Variants in PALLD observed in about 807,000 individuals in gnomAD.
PALLD encodes palladin.
Under a neutral mutation model 123.5 loss-of-function variants are expected in PALLD, and 61 were observed. That is an observed-to-expected ratio of 0.49 (90% confidence interval 0.40 to 0.61). The LOEUF (loss-of-function observed/expected upper bound fraction) is 0.61, where lower values mean the gene tolerates loss of function less well. Ranked by LOEUF, PALLD falls within the 20% of genes least tolerant of loss-of-function variation. PALLD has a pLI of 0.00. For synonymous variants in PALLD, 465 were observed against 496.4 expected (o/e 0.94, Z 0.84); for missense variants, 1,273 against 1,377.0 (o/e 0.92, Z 1.20).
chr4:168,698,158 T>C (rs1226935480), intron 8 of PALLD, among the ~76,000 whole-genome samples: 4 of 152,120 alleles, frequency 2.6e-5, no homozygotes. Context: ...ATTTGTGTGA[T>C]CTAAAAATCG....
At chr4:168,599,146 G>T (rs1772291988) in intron 2 of PALLD, among the ~76,000 whole-genome samples, 1 of 152,168 alleles carries the variant, frequency 6.6e-6, no homozygotes, top group Non-Finnish European at 1.5e-5. Flanking sequence ...TAACAGTGAA[G>T]AATTCAGAGT....
chr4:168,801,250 A>G (rs762315505), intron 10 of PALLD, among the ~76,000 whole-genome samples: 3 of 152,168 alleles, frequency 2.0e-5, no homozygotes, highest in Non-Finnish European at 4.4e-5. Flanking sequence ...TGTTTGCTCT[A>G]TAACTCTTTG....
chr4:168,522,151 G>T (rs1398166897), intron 2 of PALLD, among the ~76,000 whole-genome samples: 1 of 152,152 alleles, frequency 6.6e-6, no homozygotes, highest in Admixed American at 6.5e-5. Context: ...TTTGCTTTGT[G>T]AGCATGTGTT....
intron 2 of PALLD, among the ~76,000 whole-genome samples, chr4:168,602,965 G>T (rs1431935831): frequency 6.6e-6 from 1 of 151,904 alleles, no homozygotes; most frequent in Non-Finnish European, 1.5e-5. Flanking sequence ...AAAAGGTCTT[G>T]CTTTGTTGCC....
At chr4:168,919,517 T>C (rs1480590825) in intron 17 of PALLD, among the ~76,000 whole-genome samples, 1 of 145,570 alleles carries the variant, frequency 6.9e-6, no homozygotes, top group Non-Finnish European at 1.5e-5. Context: ...GGAGCAAGAC[T>C]GTCTTAAAAA....
chr4:168,774,354 GA>G (rs1561508770), intron 10 of PALLD, among the ~76,000 whole-genome samples: 1 of 151,992 alleles, frequency 6.6e-6, no homozygotes. Context: ...CTATATATAA[GA>G]AAGAGCACAT....
At chr4:168,579,212 G>T (rs1489075935) in intron 2 of PALLD, among the ~76,000 whole-genome samples, 1 of 152,158 alleles carries the variant, frequency 6.6e-6, no homozygotes, top group Non-Finnish European at 1.5e-5. Context: ...GTAAAGTGCA[G>T]CTATTTGAAA....
At chr4:168,905,790 C>CTTTTTTTT (rs59427697) in intron 15 of PALLD, among the ~76,000 whole-genome samples, 4,167 of 112,650 alleles carry the variant, frequency 0.037, 9 homozygotes, top group East Asian at 0.072. Flanking sequence ...GCTTTTTTTT[C>CTTTTTTTT]TTTTTTTTTT....
rs1429082856 is a variant in PALLD, at chr4:168,898,481, T to A, written c.2251-12T>A. On this transcript the variant is annotated splice_polypyrimidine_tract_variant and intron_variant, in intron 13 of 21. Coordinates refer to ENST00000505667, the MANE Select transcript of PALLD (RefSeq NM_001166108.2). Reference sequence around the variant, plus strand: ...GGATTGAGTCTGCTAACTTAAACTTTCCTTGATTCAGGAATACAAAGTCTC... The same window carrying A: ...GGATTGAGTCTGCTAACTTAAACTTACCTTGATTCAGGAATACAAAGTCTC... 1 of 1,586,624 alleles carries A rather than the reference T, an allele frequency of 6.3e-7. No individual in the cohort carries two copies. Among genetic ancestry groups the A allele is most frequent in the Non-Finnish European group, 8.7e-7 (1 of 1,155,116 alleles).
chr4:168,541,940 A>G (rs1229457429), intron 2 of PALLD, among the ~76,000 whole-genome samples: 2 of 152,238 alleles, frequency 1.3e-5, no homozygotes, highest in Non-Finnish European at 2.9e-5. Context: ...CAAAAGAGAC[A>G]AAAATGCCTG....
intron 2 of PALLD, among the ~76,000 whole-genome samples, chr4:168,663,700 C>G (rs1779344820): frequency 6.6e-6 from 1 of 152,120 alleles, no homozygotes; most frequent in Admixed American, 6.5e-5. Flanking sequence ...GTATGTTTCT[C>G]TCTGTACTCA....
chr4:168,587,415 G>C (rs998636358), intron 2 of PALLD, among the ~76,000 whole-genome samples: 7 of 152,190 alleles, frequency 4.6e-5, no homozygotes, highest in African/African-American at 1.7e-4. Context: ...AACTGTTTAT[G>C]TCATTCAGTA....
intron 10 of PALLD, among the ~76,000 whole-genome samples, chr4:168,791,530 G>A (rs2150603792): frequency 6.6e-6 from 1 of 152,252 alleles, no homozygotes; most frequent in African/African-American, 2.4e-5. Context: ...CACTTATAAA[G>A]CCATCAGATC....
At chr4:168,637,500 TAAA>T (rs113307520) in intron 2 of PALLD, among the ~76,000 whole-genome samples, 2 of 145,296 alleles carry the variant, frequency 1.4e-5, no homozygotes, top group African/African-American at 5.0e-5. Context: ...ACTTTTTATT[TAAA>T]AAAAAAAAAA....
At chr4:168,675,760 A>G (rs948811802) in intron 3 of PALLD, among the ~76,000 whole-genome samples, 2 of 152,198 alleles carry the variant, frequency 1.3e-5, no homozygotes, top group Non-Finnish European at 2.9e-5. Context: ...AAGAAGATAT[A>G]AAAATCATGT....
At chr4:168,924,826 A>C in intron 19 of PALLD, 119 bp from the exon 20 acceptor site, 1 of 958,330 alleles carries the variant, frequency 1.0e-6, no homozygotes, top group Admixed American at 1.9e-5. Flanking sequence ...AATAAGTATG[A>C]CCCTATTATC....
chr4:168,724,003 C>T (rs992703255), intron 10 of PALLD, among the ~76,000 whole-genome samples: 1 of 151,420 alleles, frequency 6.6e-6, no homozygotes, highest in Non-Finnish European at 1.5e-5. Context: ...AGCAATTCTC[C>T]TGCCTCAGCC....
intron 10 of PALLD, among the ~76,000 whole-genome samples, chr4:168,811,325 GC>G (rs1293697127): frequency 6.6e-6 from 1 of 152,180 alleles, no homozygotes; most frequent in African/African-American, 2.4e-5. Context: ...CTAGCACCTG[GC>G]TGTTTTAGAG....
chr4:168,852,358 C>T (rs61475347), intron 10 of PALLD, among the ~76,000 whole-genome samples: 7,959 of 152,110 alleles, frequency 0.052, 703 homozygotes, highest in African/African-American at 0.18. Context: ...TGGCACCCAA[C>T]ATGTAGTAAA....
Sources: allele counts gnomAD v4.1 joint callset (sites outside exome capture counted in the v4.1 genomes callset), GRCh38; gene constraint gnomAD v4.1.1; transcripts MANE v1.5; gene names NCBI Gene and HGNC (gene_info 2026-07-23, HGNC 2026-07-21).